The following NT5DC3 variants were observed in gnomAD, a reference collection of about 807,000 sequenced individuals.
The protein encoded by NT5DC3 is 5'-nucleotidase domain containing 3, also known as 5'-nucleotidase domain-containing protein 3.
NT5DC3 carries 42 observed loss-of-function variants against 67.8 expected under a neutral mutation model. That is an observed-to-expected ratio of 0.62 (90% CI 0.48 to 0.80). The LOEUF is 0.80. NT5DC3 is among the 30% of genes least tolerant of loss of function. The pLI is 0.00. For missense variants in NT5DC3, 570 were observed against 696.4 expected (o/e 0.82, Z 2.04); for synonymous variants, 237 against 255.6 (o/e 0.93, Z 0.69).
intron 9 of NT5DC3, among the ~76,000 whole-genome samples, chr12:103,790,300 G>C (rs1442610812): frequency 1.3e-5 from 2 of 151,882 alleles, no homozygotes; most frequent in Non-Finnish European, 2.9e-5. Flanking sequence ...TTTTGAGAGA[G>C]AGTCCCACTC....
At chr12:103,827,255 C>T (rs1003808928) in intron 1 of NT5DC3, among the ~76,000 whole-genome samples, 15 of 151,548 alleles carry the variant, frequency 9.9e-5, no homozygotes, top group African/African-American at 3.2e-4. Context: ...AAATTCAGCC[C>T]GGGAATTTAT....
the NT5DC3 span, among the ~76,000 whole-genome samples, chr12:103,754,573 T>A: frequency 2.0e-5 from 3 of 152,164 alleles, no homozygotes; most frequent in African/African-American, 7.2e-5. Context: ...GTTGTGGTGA[T>A]TATGATAATG....
chr12:103,755,475 C>G, the NT5DC3 span: 1 of 1,612,772 alleles, frequency 6.2e-7, no homozygotes, highest in Non-Finnish European at 8.5e-7. Flanking sequence ...AAGGTAACCG[C>G]CCCAGCTACA....
At chr12:103,826,338 G>C (rs1566127496) in intron 1 of NT5DC3, among the ~76,000 whole-genome samples, 1 of 152,158 alleles carries the variant, frequency 6.6e-6, no homozygotes, top group Non-Finnish European at 1.5e-5. Context: ...GATTAAGATT[G>C]GTATCAGCTG....
chr12:103,755,577 A>T, the NT5DC3 span: 1 of 1,613,152 alleles, frequency 6.2e-7, no homozygotes, highest in Non-Finnish European at 8.5e-7. Flanking sequence ...CCCCTGCCTT[A>T]CTTGTGTGGG....
At position 103,804,080 on chromosome 12, in the gene NT5DC3, G is replaced by T. The variant is rs1414787569; in HGVS notation, c.524+2242C>A. 2.0e-5 allele frequency among the ~76,000 whole-genome samples: 3 copies of T among 152,202 alleles called. No homozygotes were observed. The East Asian group carries it at 5.8e-4, about 29-fold the overall frequency. On this transcript the variant is annotated intron_variant, in intron 4 of 13. Coordinates refer to ENST00000392876, the MANE Select transcript of NT5DC3 (RefSeq NM_001031701.3). ...CATATAGTTATTTTGAGGATTGAAT[G>T]AGTTAAACAAAACCCTTATAACAGT... is the stretch of plus-strand genomic sequence containing the variant.
At chr12:103,769,843 T>C (rs78170989), downstream of NT5DC3, among the ~76,000 whole-genome samples, 604 of 152,370 alleles carry the variant, frequency 4.0e-3, 5 homozygotes, top group African/African-American at 0.014. Flanking sequence ...AGCTTGTTAA[T>C]TGCTAGAATT....
chr12:103,788,780 A>G (rs1055995064), intron 10 of NT5DC3, 58 bp downstream of exon 10: 1 of 1,073,154 alleles, frequency 9.3e-7, no homozygotes, highest in African/African-American at 1.5e-5. Flanking sequence ...ATCAGCTATT[A>G]GCATTATTAC....
chr12:103,795,121 C>T (rs1451373223), intron 6 of NT5DC3, among the ~76,000 whole-genome samples: 1 of 152,228 alleles, frequency 6.6e-6, no homozygotes, highest in Admixed American at 6.5e-5. Context: ...TTCAATTTCA[C>T]ACCAGCAGCA....
chr12:103,772,618 C>G lies in NT5DC3; in HGVS notation c.*5211G>C, dbSNP rs1238101063. Reference sequence around the variant, plus strand: ...CATAGGACAGTGCTGTGGGCTGAGCCGGCTGGGTACAGGCTTGTCAGGGAG... The same window carrying G: ...CATAGGACAGTGCTGTGGGCTGAGCGGGCTGGGTACAGGCTTGTCAGGGAG... On this transcript the variant is annotated 3_prime_UTR_variant, in exon 14 of 14. Coordinates refer to ENST00000392876, the MANE Select transcript of NT5DC3 (RefSeq NM_001031701.3). 1 of 152,398 alleles carries G rather than the reference C, an allele frequency of 6.6e-6. No homozygotes were observed. Among genetic ancestry groups the G allele is most frequent in the East Asian group, 1.9e-4 (1 of 5,208 alleles). The allele number at this position is 152,398 out of a possible 1,614,324, so 9.4% of individuals were successfully genotyped here. A position where few individuals can be genotyped will look rare whatever the true frequency, so the allele number is the denominator to read the frequency against.
chr12:103,836,046 A>T (rs1888132335), intron 1 of NT5DC3, among the ~76,000 whole-genome samples: 1 of 152,186 alleles, frequency 6.6e-6, no homozygotes, highest in Non-Finnish European at 1.5e-5. Context: ...TCACGAGAAT[A>T]GCATGGGAAA....
At chr12:103,767,079 T>TGGC (rs1254860469), downstream of NT5DC3, among the ~76,000 whole-genome samples, 19 of 152,114 alleles carry the variant, frequency 1.2e-4, no homozygotes, top group African/African-American at 4.6e-4. Context: ...CACCCCTAGG[T>TGGC]ATATATCCAA....
chr12:103,749,723 C>T, the NT5DC3 span, among the ~76,000 whole-genome samples: 183 of 151,050 alleles, frequency 1.2e-3, 1 homozygote, highest in African/African-American at 4.3e-3. Flanking sequence ...ACCTGTAGTC[C>T]CAGCTACTCG....
Position 103,795,015 on chromosome 12 carries a change from T to A in NT5DC3, c.754-1018A>T, listed in dbSNP as rs762027672. On this transcript the variant is annotated intron_variant, in intron 6 of 13. Coordinates refer to ENST00000392876, the MANE Select transcript of NT5DC3 (RefSeq NM_001031701.3). ...GGAGACAGGGCTGCAGGCAAAATTGTGTCTAAGCCTTAGACTGTTGCTGGG... is the reference window on the plus strand; with the variant it reads ...GGAGACAGGGCTGCAGGCAAAATTGAGTCTAAGCCTTAGACTGTTGCTGGG... Among the ~76,000 whole-genome samples, 80 of 152,230 alleles carry A rather than the reference T, an allele frequency of 5.3e-4. 1 individual carries two copies. The highest frequency in any genetic ancestry group is 2.0e-4 in the Admixed American group (3 of 15,286).
chr12:103,762,176 A>G, the NT5DC3 span: 1 of 1,518,566 alleles, frequency 6.6e-7, no homozygotes, highest in Non-Finnish European at 8.9e-7. Flanking sequence ...CAGTATTTTT[A>G]TCCCCACTGG....
the NT5DC3 span, among the ~76,000 whole-genome samples, chr12:103,762,109 T>G: frequency 6.6e-6 from 1 of 152,368 alleles, no homozygotes; most frequent in South Asian, 2.1e-4. Context: ...AATGGGTTAT[T>G]TCACAGAAGG....
intron 9 of NT5DC3, among the ~76,000 whole-genome samples, chr12:103,792,693 G>A (rs559474137): frequency 2.6e-5 from 4 of 152,280 alleles, no homozygotes; most frequent in East Asian, 1.9e-4. Flanking sequence ...ATATTAAGAC[G>A]TAATAGAGAT....
chr12:103,769,698 C>T (rs1369231667), downstream of NT5DC3, among the ~76,000 whole-genome samples: 1 of 152,242 alleles, frequency 6.6e-6, no homozygotes, highest in Non-Finnish European at 1.5e-5. Flanking sequence ...ACGCCAGAGG[C>T]GCAGCTATTC....
chr12:103,838,897 T>TGAAATGACAAAATTTTA (rs531875768), intron 1 of NT5DC3, among the ~76,000 whole-genome samples: 149 of 152,322 alleles, frequency 9.8e-4, no homozygotes, highest in African/African-American at 3.6e-3. Context: ...CTAACATTTT[T>TGAAATGACAAAATTTTA]GAAATGACAA....
Sources: gnomAD v4.1 joint callset for allele counts (sites outside exome capture counted in the v4.1 genomes callset) on GRCh38, gnomAD v4.1.1 for gene constraint, MANE v1.5 for transcripts, NCBI Gene and HGNC (gene_info 2026-07-23, HGNC 2026-07-21) for gene names.